The following NAT1 variants were observed in gnomAD, a reference collection of about 807,000 sequenced individuals.
NAT1 encodes the protein N-acetyltransferase 1, also known as arylamine N-acetyltransferase 1.
For missense variants in NAT1, 400 were observed against 339.2 expected (o/e 1.18, Z -1.41); for synonymous variants, 144 against 122.6 (o/e 1.17, Z -1.16).
intron 2 of NAT1, among the ~76,000 whole-genome samples, chr8:18,198,288 T>A (rs1028769757): frequency 1.3e-5 from 2 of 152,202 alleles, no homozygotes; most frequent in Non-Finnish European, 2.9e-5. Flanking sequence ...AAAAACATTA[T>A]GAGAGAGGAT....
chr8:18,204,483 G>A (rs891497591), intron 2 of NAT1, among the ~76,000 whole-genome samples: 1 of 152,066 alleles, frequency 6.6e-6, no homozygotes, highest in African/African-American at 2.4e-5. Context: ...AACCATTTAA[G>A]TAACTTTAAA....
At chr8:18,195,746 G>C (rs1019669687) in intron 2 of NAT1, among the ~76,000 whole-genome samples, 13 of 152,202 alleles carry the variant, frequency 8.5e-5, no homozygotes, top group Non-Finnish European at 1.9e-4. Context: ...TTTTTTCTAG[G>C]TGTAAATGAG....
intron 2 of NAT1, among the ~76,000 whole-genome samples, chr8:18,200,282 G>C (rs965164417): frequency 2.0e-5 from 3 of 151,620 alleles, no homozygotes; most frequent in Non-Finnish European, 4.4e-5. Context: ...CAAAGATATG[G>C]AATCAACCTA....
intron 2 of NAT1, among the ~76,000 whole-genome samples, chr8:18,221,208 T>C (rs985636109): frequency 6.6e-6 from 1 of 152,124 alleles, no homozygotes; most frequent in Non-Finnish European, 1.5e-5. Flanking sequence ...CTTAAGGCCT[T>C]GTTATTTTCT....
chr8:18,185,495 T>G (rs1802697098), intron 2 of NAT1, among the ~76,000 whole-genome samples: 1 of 152,188 alleles, frequency 6.6e-6, no homozygotes, highest in Non-Finnish European at 1.5e-5. Context: ...TGTGACAATA[T>G]TCCCCTTTTC....
intron 1 of NAT1, among the ~76,000 whole-genome samples, chr8:18,215,081 T>A (rs977603734): frequency 2.0e-5 from 3 of 152,198 alleles, no homozygotes; most frequent in South Asian, 4.1e-4. Flanking sequence ...CTTTATCCAG[T>A]CTGTCACTGA....
chr8:18,202,679 G>A (rs984542796), intron 2 of NAT1, among the ~76,000 whole-genome samples: 2 of 152,196 alleles, frequency 1.3e-5, no homozygotes, highest in Non-Finnish European at 2.9e-5. Flanking sequence ...GTCCCTCCTG[G>A]TGGGTTCGTG....
At chr8:18,201,954 A>AT (rs1296893331) in intron 2 of NAT1, among the ~76,000 whole-genome samples, 1 of 152,248 alleles carries the variant, frequency 6.6e-6, no homozygotes, top group Non-Finnish European at 1.5e-5. Context: ...AAAAGACCAC[A>AT]TATCAAGCTC....
chr8:18,176,188 C>T (rs1050326334), intron 2 of NAT1, among the ~76,000 whole-genome samples: 1 of 152,014 alleles, frequency 6.6e-6, no homozygotes, highest in African/African-American at 2.4e-5. Context: ...GTTTCTTTTG[C>T]CGTGCAGAAG....
chr8:18,220,372 C>T (rs1054367022), intron 2 of NAT1, among the ~76,000 whole-genome samples: 1 of 151,962 alleles, frequency 6.6e-6, no homozygotes, highest in Non-Finnish European at 1.5e-5. Context: ...AAGAGATGCT[C>T]CACTTATCAC....
chr8:18,220,682 G>C (rs995334787), intron 2 of NAT1, among the ~76,000 whole-genome samples: 2 of 152,004 alleles, frequency 1.3e-5, no homozygotes, highest in African/African-American at 4.8e-5. Context: ...CTCTTTGTTA[G>C]TGTTGTTCTT....
intron 2 of NAT1, among the ~76,000 whole-genome samples, chr8:18,175,089 T>A (rs1802241542): frequency 6.6e-6 from 1 of 152,138 alleles, no homozygotes. Context: ...TATTTATTTA[T>A]AATTGACAAA....
intron 1 of NAT1, among the ~76,000 whole-genome samples, chr8:18,210,835 C>T (rs1304266248): frequency 2.0e-5 from 3 of 152,162 alleles, no homozygotes; most frequent in Admixed American, 6.5e-5. Context: ...AGTGCAGTGG[C>T]GTGATCTCAG....
rs746432499 is a variant in NAT1 at position 18,222,938 on chromosome 8, T to A, written c.*18T>A. On this transcript the variant is annotated 3_prime_UTR_variant, in exon 3 of 3. Coordinates refer to ENST00000307719, the MANE Select transcript of NAT1 (RefSeq NM_000662.8). ...CTATTTAGAATAAGGAGTAAAACAA[T>A]CTTGTCTATTTGTCATCCAGCTCAC... 3 of 1,519,580 alleles carry A rather than the reference T, an allele frequency of 2.0e-6. No homozygotes were observed. The South Asian group carries it at 4.3e-5, about 22-fold the overall frequency. 94.1% of individuals were successfully genotyped at this position (1,519,580 alleles called of 1,614,324 possible). A position where few individuals can be genotyped will look rare whatever the true frequency, so the allele number is the denominator to read the frequency against.
At chr8:18,196,473 G>C (rs1209455454) in intron 2 of NAT1, among the ~76,000 whole-genome samples, 1 of 152,108 alleles carries the variant, frequency 6.6e-6, no homozygotes, top group Non-Finnish European at 1.5e-5. Flanking sequence ...GAAAGTAGAT[G>C]ATGACAGACT....
chr8:18,198,919 AG>A (rs1803346255), intron 2 of NAT1, among the ~76,000 whole-genome samples: 1 of 152,222 alleles, frequency 6.6e-6, no homozygotes, highest in Non-Finnish European at 1.5e-5. Flanking sequence ...TATGTTCAGA[AG>A]TCAGCTTAAT....
intron 2 of NAT1, among the ~76,000 whole-genome samples, chr8:18,176,255 T>C (rs1002363972): frequency 1.4e-4 from 21 of 152,140 alleles, no homozygotes; most frequent in African/African-American, 4.8e-4. Context: ...GCCTGTGCTT[T>C]TGGAGTCCTG....
intron 2 of NAT1, among the ~76,000 whole-genome samples, chr8:18,174,860 A>G (rs1426933662): frequency 6.6e-6 from 1 of 151,970 alleles, no homozygotes; most frequent in Non-Finnish European, 1.5e-5. Context: ...GCGAACTCTC[A>G]TGCTTATATA....
intron 2 of NAT1, among the ~76,000 whole-genome samples, chr8:18,187,867 C>T (rs1440751651): frequency 6.6e-6 from 1 of 150,482 alleles, no homozygotes; most frequent in Admixed American, 6.7e-5. Flanking sequence ...TTTAACAGAT[C>T]CTGAAAGAAA....
Sources: allele counts gnomAD v4.1 joint callset (sites outside exome capture counted in the v4.1 genomes callset), GRCh38; gene constraint gnomAD v4.1.1; transcripts MANE v1.5; gene names NCBI Gene and HGNC (gene_info 2026-07-23, HGNC 2026-07-21).